The following NPLOC4 variants were observed in gnomAD, a reference collection of about 807,000 sequenced individuals.
NPLOC4 encodes NPL4 homolog, ubiquitin recognition factor, also known as nuclear protein localization protein 4 homolog.
Under a neutral mutation model 80.6 loss-of-function variants are expected in NPLOC4, and 18 were observed. The ratio of observed to expected loss-of-function variants is 0.22; its 90% CI spans 0.15 to 0.33. NPLOC4 has a LOEUF of 0.33. NPLOC4 is among the 10% of genes least tolerant of loss of function. The pLI, the probability that NPLOC4 is intolerant of heterozygous loss-of-function variation, is 1.00. For synonymous variants in NPLOC4, 313 were observed against 301.5 expected, an observed-to-expected ratio of 1.04 and a Z score of -0.39; for missense variants, 540 against 786.1, an observed-to-expected ratio of 0.69 and a Z score of 3.74.
rs1259544653 is a variant in NPLOC4, at chr17:81,572,043, G to A, written c.1327C>T (p.Leu443=). The stretch of plus-strand genomic sequence containing the variant: ...TCTATGATGAGATACTCCACAGGCA[G>A]GGGCCGGGCCAGCTGGGTGATCTCG... ...GNEITQLARP[L]PVEYLIIDIT... The change falls in exon 13 of 17, where the codon CTG becomes TTG. Residue 443 remains leucine (L), a synonymous_variant. Coordinates refer to ENST00000331134, the MANE Select transcript of NPLOC4 (RefSeq NM_017921.4). This position sits in a 1 kb window ranked among gnomAD's most constrained non-coding sequence, Gnocchi z 4.5. The A allele has an allele frequency of 6.2e-7, 1 of 1,607,346 alleles. No homozygotes were observed. The highest frequency in any genetic ancestry group is 1.1e-5 in the South Asian group (1 of 90,190).
chr17:81,561,051 G>C (rs1024985358), intron 16 of NPLOC4, among the ~76,000 whole-genome samples: 1 of 152,052 alleles, frequency 6.6e-6, no homozygotes, highest in Admixed American at 6.6e-5. Flanking sequence ...TCTGCCTCCT[G>C]GGTTCAAGCG....
intron 1 of NPLOC4, 37 bp downstream of exon 1, chr17:81,636,879 C>G (rs1248906545): frequency 1.4e-6 from 2 of 1,404,072 alleles, no homozygotes; most frequent in South Asian, 1.5e-5. Flanking sequence ...GCTGCCTCAT[C>G]CCGGCGTCCC....
chr17:81,620,784 G>C (rs1293618614), intron 3 of NPLOC4, among the ~76,000 whole-genome samples: 1 of 152,188 alleles, frequency 6.6e-6, no homozygotes, highest in Non-Finnish European at 1.5e-5. Flanking sequence ...CTGGAACAGA[G>C]AGTGTGCACT....
intron 2 of NPLOC4, 29 bp downstream of exon 2, chr17:81,629,696 C>T: frequency 1.3e-6 from 2 of 1,525,732 alleles, no homozygotes; most frequent in South Asian, 2.2e-5. Flanking sequence ...GAAAAATATC[C>T]TGAGGGTCAA....
rs1198689700 is a variant in NPLOC4, at chr17:81,608,777, G to A, written c.481C>T (p.His161Tyr). Residue 161 changes from histidine (H) to tyrosine (Y), a missense_variant, in exon 6 of 17, where the codon CAC becomes TAC. His to Tyr is a moderately conservative substitution (Grantham distance 83). This residue lies in a region of NPLOC4 where 61 missense variants were observed against 156.7 expected (regional missense o/e 0.39). Transcript: ENST00000331134. Reference sequence around the variant, plus strand: ...CGGATGTAGGCGTGGAAGGACATGTGCTTCACGGGAGGCTCGAGATGGTTT... The same window carrying A: ...CGGATGTAGGCGTGGAAGGACATGTACTTCACGGGAGGCTCGAGATGGTTT... ...YLNHLEPPVK[H>Y]MSFHAYIRKL... The A allele has an allele frequency of 6.3e-7, 1 of 1,593,470 alleles. No individual in the cohort carries two copies. The highest frequency in any genetic ancestry group is 8.5e-7 in the Non-Finnish European group (1 of 1,169,662).
intron 10 of NPLOC4, 24 bp from the exon 11 acceptor site, chr17:81,596,266 C>T (rs1248904175): frequency 1.3e-6 from 2 of 1,590,684 alleles, no homozygotes; most frequent in African/African-American, 2.7e-5. Context: ...AGCAGCCTAT[C>T]AAATTTTACA....
At chr17:81,597,441 G>T in intron 9 of NPLOC4, 125 bp from the exon 10 acceptor site, 1 of 726,836 alleles carries the variant, frequency 1.4e-6, no homozygotes, top group East Asian at 2.6e-5. Flanking sequence ...ACGAGGTTAA[G>T]AGATCGAGAC....
At chr17:81,621,622 A>G (rs1007003916) in intron 3 of NPLOC4, among the ~76,000 whole-genome samples, 44 of 152,342 alleles carry the variant, frequency 2.9e-4, no homozygotes, top group African/African-American at 1.0e-3. Context: ...ACGGTCTATC[A>G]CAACTAAACT....
At chr17:81,624,479 G>A (rs556656815) in intron 2 of NPLOC4, among the ~76,000 whole-genome samples, 1 of 152,202 alleles carries the variant, frequency 6.6e-6, no homozygotes, top group East Asian at 1.9e-4. Flanking sequence ...CACGCCTACA[G>A]TCCCAGCTAG....
At chr17:81,575,802 C>T (rs996793423) in intron 12 of NPLOC4, among the ~76,000 whole-genome samples, 7 of 152,210 alleles carry the variant, frequency 4.6e-5, no homozygotes, top group African/African-American at 1.4e-4. Flanking sequence ...CCACCTCCAC[C>T]GCAAGGGAAG....
intron 12 of NPLOC4, among the ~76,000 whole-genome samples, chr17:81,586,751 T>G (rs535662624): frequency 6.6e-6 from 1 of 152,334 alleles, no homozygotes; most frequent in South Asian, 2.1e-4. Context: ...GACAAAGATT[T>G]AAGGAAGACT....
rs749468703 is a variant in NPLOC4, at chr17:81,580,262, C to A, written c.1282-8174G>T. On this transcript the variant is annotated intron_variant, in intron 12 of 16. Coordinates refer to ENST00000331134, the MANE Select transcript of NPLOC4 (RefSeq NM_017921.4). The surrounding 1 kb of genome is among the most constrained non-coding windows in gnomAD (Gnocchi z 4.4). ...TGCCTCTGCACTAGCACATCGCCGA[C>A]AGATCCCCAGCCTTCCAGCCTGGCC... is the stretch of plus-strand genomic sequence containing the variant. Among the ~76,000 whole-genome samples, 1 of 152,222 alleles carries A rather than the reference C, an allele frequency of 6.6e-6. No homozygotes were observed. Among genetic ancestry groups the A allele is most frequent in the Non-Finnish European group, 1.5e-5 (1 of 68,042 alleles).
At chr17:81,576,492 T>C (rs1025092444) in intron 12 of NPLOC4, among the ~76,000 whole-genome samples, 3 of 152,166 alleles carry the variant, frequency 2.0e-5, no homozygotes, top group African/African-American at 7.2e-5. Context: ...TGACTATATA[T>C]GGAGGTCCTG....
At chr17:81,605,094 AT>A (rs1017723699) in intron 7 of NPLOC4, among the ~76,000 whole-genome samples, 16 of 151,386 alleles carry the variant, frequency 1.1e-4, no homozygotes, top group African/African-American at 3.9e-4. Context: ...TCCCGTCTCT[AT>A]TTTTTTTGTA....
chr17:81,608,023 G>A (rs910171132), intron 6 of NPLOC4, among the ~76,000 whole-genome samples: 4 of 152,184 alleles, frequency 2.6e-5, no homozygotes, highest in Non-Finnish European at 5.9e-5. Flanking sequence ...ACAGGCAAGG[G>A]CTTGCCATGG....
intron 1 of NPLOC4, among the ~76,000 whole-genome samples, chr17:81,635,787 A>G (rs1248394709): frequency 6.6e-6 from 1 of 152,144 alleles, no homozygotes; most frequent in Non-Finnish European, 1.5e-5. Flanking sequence ...TCTTCACCCA[A>G]TACTGCTAAG....
chr17:81,623,902 A>C (rs950900342), intron 2 of NPLOC4, among the ~76,000 whole-genome samples: 1 of 152,200 alleles, frequency 6.6e-6, no homozygotes, highest in Non-Finnish European at 1.5e-5. Context: ...GATGCTGGGA[A>C]TATTCACTCA....
chr17:81,580,688 G>A lies in NPLOC4; in HGVS notation c.1281+8256C>T, dbSNP rs762637213. On this transcript the variant is annotated intron_variant, in intron 12 of 16. Coordinates refer to ENST00000331134, the MANE Select transcript of NPLOC4 (RefSeq NM_017921.4). This position sits in a 1 kb window ranked among gnomAD's most constrained non-coding sequence, Gnocchi z 4.4. Reference sequence around the variant, plus strand: ...CACTCCAAGCTTCTCTACCCGTTCCGCTGGGGTGGCCCACCTCCCCTGCTG... The same window carrying A: ...CACTCCAAGCTTCTCTACCCGTTCCACTGGGGTGGCCCACCTCCCCTGCTG... Among the ~76,000 whole-genome samples, 2 of 152,182 alleles carry A rather than the reference G, an allele frequency of 1.3e-5. No individual in the cohort carries two copies. The highest frequency in any genetic ancestry group is 2.9e-5 in the Non-Finnish European group (2 of 68,030).
At chr17:81,584,885 G>A (rs1382578796) in intron 12 of NPLOC4, among the ~76,000 whole-genome samples, 1 of 152,132 alleles carries the variant, frequency 6.6e-6, no homozygotes, top group African/African-American at 2.4e-5. Flanking sequence ...ATGGGAACGA[G>A]GCCCAGCACG....
Sources: allele counts gnomAD v4.1 joint callset (sites outside exome capture counted in the v4.1 genomes callset), GRCh38; gene constraint gnomAD v4.1.1; regional missense constraint gnomAD v4.1.1; non-coding constraint Gnocchi (gnomAD v3.1); transcripts MANE v1.5; gene names NCBI Gene and HGNC (gene_info 2026-07-23, HGNC 2026-07-21).